The following CNTN1 variants were observed in gnomAD, a reference collection of about 807,000 sequenced individuals.
CNTN1 encodes contactin-1.
In CNTN1, 38 loss-of-function variants were observed where a neutral mutation model predicts 126.4. The ratio of observed to expected loss-of-function variants is 0.30; its 90% confidence interval spans 0.23 to 0.39. The LOEUF (loss-of-function observed/expected upper bound fraction) is 0.39, where lower values mean the gene tolerates loss of function less well. CNTN1 is among the 10% of genes least tolerant of loss of function. CNTN1 has a pLI of 1.00. For synonymous variants in CNTN1, 413 were observed against 422.6 expected, an observed-to-expected ratio of 0.98 and a Z score of 0.28; for missense variants, 1,009 against 1,248.4, an observed-to-expected ratio of 0.81 and a Z score of 2.89.
At chr12:40,918,216 A>C (rs1384451281) in intron 3 of CNTN1, among the ~76,000 whole-genome samples, 1 of 152,168 alleles carries the variant, frequency 6.6e-6, no homozygotes, top group Non-Finnish European at 1.5e-5. Context: ...AACTCAAAAG[A>C]GGACCAATAA....
intron 1 of CNTN1, among the ~76,000 whole-genome samples, chr12:40,782,996 A>G (rs1165986626): frequency 6.6e-6 from 1 of 151,914 alleles, no homozygotes; most frequent in Non-Finnish European, 1.5e-5. Flanking sequence ...GAGGAGAGAA[A>G]TTGGTTTTGG....
At chr12:40,705,424 G>A (rs117726488) in intron 1 of CNTN1, among the ~76,000 whole-genome samples, 4,028 of 151,854 alleles carry the variant, frequency 0.027, 81 homozygotes, top group Non-Finnish European at 0.044. Flanking sequence ...TGGGGTAAGC[G>A]TTGTTGATGA....
At chr12:40,788,584 A>T (rs964803544) in intron 1 of CNTN1, among the ~76,000 whole-genome samples, 1 of 152,026 alleles carries the variant, frequency 6.6e-6, no homozygotes, top group Non-Finnish European at 1.5e-5. Flanking sequence ...AAAATCACAA[A>T]AGGATCCTTC....
intron 1 of CNTN1, among the ~76,000 whole-genome samples, chr12:40,830,950 T>C (rs1243994022): frequency 2.4e-5 from 3 of 123,084 alleles, no homozygotes; most frequent in Non-Finnish European, 3.5e-5. Context: ...TATATATATA[T>C]ATATATATAT....
chr12:41,062,308 A>G (rs959977966), intron 23 of CNTN1, among the ~76,000 whole-genome samples: 3 of 152,320 alleles, frequency 2.0e-5, no homozygotes, highest in Non-Finnish European at 2.9e-5. Flanking sequence ...CCATTCATAA[A>G]AATAACAATT....
At chr12:40,931,579 A>G (rs1490173477) in intron 7 of CNTN1, among the ~76,000 whole-genome samples, 1 of 152,000 alleles carries the variant, frequency 6.6e-6, no homozygotes, top group Non-Finnish European at 1.5e-5. Context: ...TCACAAATAC[A>G]TGTGTTACTT....
chr12:40,773,874 A>G (rs991329519), intron 1 of CNTN1, among the ~76,000 whole-genome samples: 2 of 151,488 alleles, frequency 1.3e-5, no homozygotes, highest in Non-Finnish European at 3.0e-5. Flanking sequence ...TGTTAGAAGC[A>G]TATCTTTAGT....
chr12:40,859,416 C>A (rs1202104333), intron 1 of CNTN1, among the ~76,000 whole-genome samples: 1 of 151,860 alleles, frequency 6.6e-6, no homozygotes, highest in Non-Finnish European at 1.5e-5. Context: ...ACTGTGTGGG[C>A]AGATGAAGGG....
At chr12:41,054,503 T>G (rs1822834314) in intron 23 of CNTN1, among the ~76,000 whole-genome samples, 1 of 152,014 alleles carries the variant, frequency 6.6e-6, no homozygotes, top group African/African-American at 2.4e-5. Flanking sequence ...GGTAATTCTC[T>G]CCTCATTTTA....
At position 40,726,347 on chromosome 12, in the gene CNTN1, A is replaced by G. The variant is rs184799966; in HGVS notation, c.-77+33755A>G. On this transcript the variant is annotated intron_variant, in intron 1 of 23. Coordinates refer to ENST00000551295, the MANE Select transcript of CNTN1 (RefSeq NM_001843.4). Reference sequence around the variant, plus strand: ...TATGAAGAAGTACCACACACTGGGTAATTTATAAAGGAAAGAGGTTTCATT... The same window carrying G: ...TATGAAGAAGTACCACACACTGGGTGATTTATAAAGGAAAGAGGTTTCATT... Among the ~76,000 whole-genome samples, 261 of 152,332 alleles carry G rather than the reference A, an allele frequency of 1.7e-3. 2 individuals carry two copies. The East Asian group carries it at 0.021, about 12-fold the overall frequency.
At chr12:40,696,181 T>C (rs1941447672) in intron 1 of CNTN1, among the ~76,000 whole-genome samples, 1 of 152,246 alleles carries the variant, frequency 6.6e-6, no homozygotes, top group Admixed American at 6.5e-5. Context: ...GCAATTGTAA[T>C]GCACAAGGTG....
At chr12:40,809,740 C>T (rs189491941) in intron 1 of CNTN1, among the ~76,000 whole-genome samples, 3,506 of 151,650 alleles carry the variant, frequency 0.023, 127 homozygotes, top group African/African-American at 0.078. Context: ...TGCTTGAACC[C>T]GGGGGGCAGA....
At chr12:40,786,351 C>T (rs1398730737) in intron 1 of CNTN1, among the ~76,000 whole-genome samples, 1 of 152,164 alleles carries the variant, frequency 6.6e-6, no homozygotes, top group African/African-American at 2.4e-5. Flanking sequence ...ACATCTCTCT[C>T]TAGCCCTTTC....
chr12:40,707,610 A>G (rs1332823099), intron 1 of CNTN1, among the ~76,000 whole-genome samples: 1 of 152,164 alleles, frequency 6.6e-6, no homozygotes, highest in Non-Finnish European at 1.5e-5. Flanking sequence ...CAATCTGAGC[A>G]TCCCTTTCCT....
At chr12:40,763,443 A>T (rs1376314095) in intron 1 of CNTN1, among the ~76,000 whole-genome samples, 1 of 152,216 alleles carries the variant, frequency 6.6e-6, no homozygotes. Flanking sequence ...AAGTAAATGA[A>T]GGGTGAGGGG....
intron 14 of CNTN1, among the ~76,000 whole-genome samples, chr12:40,953,294 G>A (rs929223953): frequency 1.3e-5 from 2 of 152,072 alleles, no homozygotes; most frequent in Non-Finnish European, 2.9e-5. Context: ...TTTTGTAATT[G>A]AGCCAAGCTG....
chr12:40,966,941 C>T (rs535058046), intron 15 of CNTN1, among the ~76,000 whole-genome samples: 3 of 152,058 alleles, frequency 2.0e-5, no homozygotes, highest in Non-Finnish European at 4.4e-5. Context: ...TTCTTTTCTG[C>T]AATTAATTAC....
chr12:41,055,169 T>TC (rs1949776244), intron 23 of CNTN1, among the ~76,000 whole-genome samples: 1 of 152,270 alleles, frequency 6.6e-6, no homozygotes, highest in East Asian at 1.9e-4. Context: ...TGGATTGGTC[T>TC]ATGAATTAAT....
At position 41,071,986 on chromosome 12, in the gene CNTN1, G is replaced by A. The variant is rs1237302218; in HGVS notation, c.*1951G>A. 6.6e-6 allele frequency: 1 copy of A among 152,154 alleles called. No individual in the cohort carries two copies. The highest frequency in any genetic ancestry group is 1.9e-4 in the East Asian group (1 of 5,188). The allele number at this position is 152,154 out of a possible 1,614,324, so 9.4% of individuals were successfully genotyped here. On this transcript the variant is annotated 3_prime_UTR_variant, in exon 24 of 24. Coordinates refer to ENST00000551295, the MANE Select transcript of CNTN1 (RefSeq NM_001843.4). ...TAACGAGCAAAACTGGTTAGATTTT[G>A]CATGAAATGGTTCTGAAAGGTAAGA... is the stretch of plus-strand genomic sequence containing the variant.
Sources: allele counts gnomAD v4.1 joint callset (sites outside exome capture counted in the v4.1 genomes callset), GRCh38; gene constraint gnomAD v4.1.1; transcripts MANE v1.5; gene names NCBI Gene and HGNC (gene_info 2026-07-23, HGNC 2026-07-21).